The following TRMT11 variants were observed in gnomAD, a reference collection of about 807,000 sequenced individuals.
TRMT11 encodes tRNA methyltransferase 11, also known as tRNA (guanine(10)-N(2))-methyltransferase TRMT11.
TRMT11 carries 53 observed loss-of-function variants against 62.8 expected under a neutral mutation model. The observed-to-expected ratio is 0.84, with a 90% confidence interval of 0.68 to 1.06. The LOEUF is 1.06. TRMT11 is among the 50% of genes least tolerant of loss of function. TRMT11 has a pLI of 0.00. For synonymous variants in TRMT11, 188 were observed against 190.3 expected, an observed-to-expected ratio of 0.99 and a Z score of 0.10; for missense variants, 556 against 553.4, an observed-to-expected ratio of 1.00 and a Z score of -0.05.
intron 17 of TRMT11, among the ~76,000 whole-genome samples, chr6:126,111,079 A>C (rs1426852611): frequency 6.6e-6 from 1 of 152,116 alleles, no homozygotes; most frequent in East Asian, 1.9e-4. Flanking sequence ...AGCCATTTCC[A>C]AGAACCCTGG....
Position 126,038,702 on chromosome 6 carries a change from C to G in TRMT11, c.1261-3C>G. 2 of 1,539,890 alleles carry G rather than the reference C, an allele frequency of 1.3e-6. No homozygotes were observed. Among genetic ancestry groups the G allele is most frequent in the South Asian group, 1.3e-5 (1 of 77,936 alleles). On this transcript the variant is annotated splice_polypyrimidine_tract_variant and splice_region_variant and intron_variant, in intron 12 of 12. Coordinates refer to ENST00000334379, the MANE Select transcript of TRMT11 (RefSeq NM_001031712.3). ...TTACATTTTGTATTTTCCAACCAAA[C>G]AGAATCGGGACCAGTATTCACATCT...
At chr6:126,075,470 C>T (rs909530689) in intron 17 of TRMT11, among the ~76,000 whole-genome samples, 1 of 151,906 alleles carries the variant, frequency 6.6e-6, no homozygotes, top group Non-Finnish European at 1.5e-5. Context: ...AAGTGTGTAG[C>T]AGCCTCCCTC....
intron 11 of TRMT11, among the ~76,000 whole-genome samples, chr6:126,019,172 G>A (rs547580882): frequency 3.3e-5 from 5 of 152,240 alleles, no homozygotes; most frequent in South Asian, 4.1e-4. Flanking sequence ...GAGCCACCAC[G>A]CCCAGCTGAA....
chr6:126,254,648 G>GA, the TRMT11 span, among the ~76,000 whole-genome samples: 24 of 152,102 alleles, frequency 1.6e-4, no homozygotes, highest in African/African-American at 4.6e-4. Context: ...CAAGGTGAGA[G>GA]TTTTTTTTCT....
chr6:126,243,750 G>A, the TRMT11 span, among the ~76,000 whole-genome samples: 1 of 152,188 alleles, frequency 6.6e-6, no homozygotes, highest in African/African-American at 2.4e-5. Context: ...CATGGACACA[G>A]GAAGGGGAAC....
intron 1 of TRMT11, among the ~76,000 whole-genome samples, chr6:126,197,863 G>A (rs533311778): frequency 6.6e-6 from 1 of 152,236 alleles, no homozygotes; most frequent in African/African-American, 2.4e-5. Context: ...CAAGGTGAAA[G>A]CTGATAAAAT....
chr6:126,225,332 A>G, the TRMT11 span, among the ~76,000 whole-genome samples: 1 of 152,112 alleles, frequency 6.6e-6, no homozygotes, highest in African/African-American at 2.4e-5. Context: ...GGGCCACTCC[A>G]TGCCTATTTA....
At chr6:126,167,158 G>A (rs947676972) in intron 21 of TRMT11, among the ~76,000 whole-genome samples, 8 of 152,026 alleles carry the variant, frequency 5.3e-5, no homozygotes, top group Non-Finnish European at 1.0e-4. Flanking sequence ...ACACCACTGG[G>A]GTATGAAAAA....
chr6:126,148,588 T>A (rs950559260), intron 21 of TRMT11, among the ~76,000 whole-genome samples: 3 of 152,176 alleles, frequency 2.0e-5, no homozygotes, highest in Non-Finnish European at 4.4e-5. Context: ...TTAACCTCTC[T>A]AAGCTTATTT....
chr6:126,117,035 G>A (rs1017437391), intron 21 of TRMT11, among the ~76,000 whole-genome samples: 9 of 152,090 alleles, frequency 5.9e-5, no homozygotes, highest in Non-Finnish European at 1.3e-4. Context: ...AGGATCAACT[G>A]GTAGCCTAGG....
At chr6:126,152,035 TTCTC>T (rs199940330) in intron 21 of TRMT11, among the ~76,000 whole-genome samples, 1,540 of 144,994 alleles carry the variant, frequency 0.011, 31 homozygotes, top group African/African-American at 0.038. Flanking sequence ...CTTTCTCTGT[TTCTC>T]TCTCTCTCTT....
intron 17 of TRMT11, among the ~76,000 whole-genome samples, chr6:126,111,597 C>T (rs1777532538): frequency 6.6e-6 from 1 of 152,072 alleles, no homozygotes; most frequent in South Asian, 2.1e-4. Context: ...AAGTGTAAGA[C>T]AGAAATAATA....
chr6:126,131,399 C>A (rs1446042426), intron 21 of TRMT11, among the ~76,000 whole-genome samples: 1 of 152,026 alleles, frequency 6.6e-6, no homozygotes, highest in Non-Finnish European at 1.5e-5. Context: ...AGTGTTTGCT[C>A]CCCAAAGAGA....
chr6:126,054,253 C>T (rs1776306198), intron 17 of TRMT11, among the ~76,000 whole-genome samples: 1 of 152,172 alleles, frequency 6.6e-6, no homozygotes, highest in African/African-American at 2.4e-5. Context: ...GCCTTTGCTC[C>T]AGGGTCTGTT....
intron 7 of TRMT11, among the ~76,000 whole-genome samples, chr6:126,000,571 A>G (rs1437304858): frequency 1.3e-5 from 2 of 152,148 alleles, no homozygotes; most frequent in Admixed American, 6.6e-5. Context: ...ATAGGATTCA[A>G]ACTCAAGCAG....
At chr6:126,151,874 C>CTTTCTTTCTTTCTTTCTT (rs1459413861) in intron 21 of TRMT11, among the ~76,000 whole-genome samples, 1 of 79,654 alleles carries the variant, frequency 1.3e-5, no homozygotes, top group African/African-American at 5.8e-5. Flanking sequence ...TTCCTTCTTT[C>CTTTCTTTCTTTCTTTCTT]TCCTTCCTTC....
At chr6:126,146,518 A>ATTT (rs71706557) in intron 21 of TRMT11, among the ~76,000 whole-genome samples, 20 of 143,706 alleles carry the variant, frequency 1.4e-4, no homozygotes, top group African/African-American at 4.8e-4. Flanking sequence ...ACTAAATGAA[A>ATTT]TTTTTTTTTT....
chr6:126,131,385 A>G (rs188557437), intron 21 of TRMT11, among the ~76,000 whole-genome samples: 28 of 152,178 alleles, frequency 1.8e-4, no homozygotes, highest in African/African-American at 4.6e-4. Context: ...GGATTTAGCT[A>G]TAGAGTGTTT....
intron 1 of TRMT11, among the ~76,000 whole-genome samples, chr6:125,992,277 T>C (rs1790751201): frequency 6.6e-6 from 1 of 152,352 alleles, no homozygotes; most frequent in South Asian, 2.1e-4. Flanking sequence ...TTAGGATCTT[T>C]GTGTTTTAGC....
Sources: gnomAD v4.1 joint callset for allele counts (sites outside exome capture counted in the v4.1 genomes callset) on GRCh38, gnomAD v4.1.1 for gene constraint, MANE v1.5 for transcripts, NCBI Gene and HGNC (gene_info 2026-07-23, HGNC 2026-07-21) for gene names.